KRT16: variants seen among roughly 807,000 people sequenced by gnomAD.
KRT16 encodes the protein keratin, type I cytoskeletal 16.
KRT16 carries 42 observed loss-of-function variants against 44.8 expected under a neutral mutation model. That is an observed-to-expected ratio of 0.94 (90% CI 0.73 to 1.21). KRT16 has a LOEUF of 1.21. Ranked by LOEUF, KRT16 falls within the 50% of genes most tolerant of loss-of-function variation. KRT16 has a pLI of 0.00. For synonymous variants in KRT16, 226 were observed against 260.4 expected, an observed-to-expected ratio of 0.87 and a Z score of 1.27; for missense variants, 561 against 626.9, an observed-to-expected ratio of 0.89 and a Z score of 1.12.
chr17:41,611,026 C>G (rs1233653794), intron 4 of KRT16, 43 bp downstream of exon 4: 3 of 1,613,906 alleles, frequency 1.9e-6, no homozygotes, highest in Non-Finnish European at 1.7e-6. Context: ...CCAAAGCCCC[C>G]AGCTGGGAAG....
chr17:41,609,986 G>A lies in KRT16; in HGVS notation c.1371C>T (p.Pro457=). The change falls in exon 8 of 8, where the codon CCC becomes CCT. Residue 457 remains proline (P), a synonymous_variant. Transcript: ENST00000301653. ...TGGATGAGCTCTGCTCCTTGAGGAT[G>A]GGCCGGGTCTGACGGCTCGAAGAGG... ...SSSSSSRQTR[P]ILKEQSSSSF... The A allele has an allele frequency of 6.2e-7, 1 of 1,611,966 alleles. No homozygotes were observed. The highest frequency in any genetic ancestry group is 1.1e-5 in the South Asian group (1 of 90,984).
At position 41,610,213 on chromosome 17, in the gene KRT16, C is replaced by G. The variant is rs766782137; in HGVS notation, c.1304G>C (p.Gly435Ala). The G allele has an allele frequency of 2.0e-5, 33 of 1,613,812 alleles. No individual in the cohort carries two copies. Among genetic ancestry groups the G allele is most frequent in the Admixed American group, 3.3e-5 (2 of 59,998 alleles). The change falls in exon 7 of 8, where the codon GGC (glycine) becomes GCC (alanine). Residue 435 changes from glycine to alanine, a missense_variant. By Grantham distance (60) the Gly-to-Ala change is moderately conservative. Coordinates refer to ENST00000301653, the MANE Select transcript of KRT16 (RefSeq NM_005557.4). ...ACCCTCGCGGGAAGAATAGGATTGG[C>G]CAGATGCTTGCTGGGAGGAAAGGCT... ...DAHLSSQQAS[G>A]QSYSSREVFT... is the part of the protein sequence containing the mutation.
rs758059131 is a variant in KRT16, at chr17:41,611,204, G to A, written c.798C>T (p.Thr266=). The A allele has an allele frequency of 3.6e-5, 58 of 1,613,816 alleles. No homozygotes were observed. Among genetic ancestry groups the A allele is most frequent in the Middle Eastern group, 1.6e-4 (1 of 6,078 alleles). ...CCATCTCCACGTTCACATCTCCGCC[G>A]GTCTGACCTCTCAGAGCAAGCATCT... ...EEEMLALRGQ[T]GGDVNVEMDA... Residue 266 remains threonine (T), a synonymous_variant, in exon 4 of 8, where the codon ACC becomes ACT. Transcript: ENST00000301653.
At position 41,609,855 on chromosome 17, in the gene KRT16, G is replaced by C; in HGVS notation, c.*80C>G. On this transcript the variant is annotated 3_prime_UTR_variant, in exon 8 of 8. Transcript: ENST00000301653. ...GGGGAGATAGCTGGGAACTGCGCCA[G>C]GAGAGCAGGGTCCTGACCCGGGCCT... The C allele has an allele frequency of 8.5e-7, 1 of 1,178,650 alleles. No individual in the cohort carries two copies. Among genetic ancestry groups the C allele is most frequent in the Non-Finnish European group, 1.3e-6 (1 of 795,330 alleles). The allele number at this position is 1,178,650 out of a possible 1,614,324, so 73.0% of individuals were successfully genotyped here. A position where few individuals can be genotyped will look rare whatever the true frequency, so the allele number is the denominator to read the frequency against.
At position 41,612,614 on chromosome 17, in the gene KRT16, C is replaced by T. The variant is rs1232655833; in HGVS notation, c.75G>A (p.Gly25=). The T allele has an allele frequency of 1.9e-6, 3 of 1,596,148 alleles. No individual in the cohort carries two copies. Among genetic ancestry groups the T allele is most frequent in the Non-Finnish European group, 1.7e-6 (2 of 1,172,348 alleles). Residue 25 remains glycine (G), a synonymous_variant, in exon 1 of 8, where the codon GGG becomes GGA. Transcript: ENST00000301653. ...CGGAGGAGATGCGGCTGGAGCCGCC[C>T]CCGATGCCGCCTCCGATGCCGCAGG... ...KGSCGIGGGI[G]GGSSRISSVL... is the part of the protein sequence containing the mutation.
rs1386727267 is a variant in KRT16, at chr17:41,612,273, T to C, written c.416A>G (p.Glu139Gly). 1 of 1,613,820 alleles carries C rather than the reference T, an allele frequency of 6.2e-7. No individual in the cohort carries two copies. The highest frequency in any genetic ancestry group is 1.3e-5 in the African/African-American group (1 of 74,864). The change falls in exon 1 of 8, where the codon GAG becomes GGG. Residue 139 changes from glutamate to glycine, a missense_variant. Transcript: ENST00000301653. ...CACTTCCAGGTCGGCGTTGGCCTCC[T>C]CCAGAGCACGCACCTTGTCCAGGTA... The part of the protein sequence containing the change: ...ASYLDKVRAL[E>G]EANADLEVKI...
chr17:41,611,709 T>A lies in KRT16; in HGVS notation c.544A>T (p.Thr182Ser). 6.2e-7 allele frequency: 1 copy of A among 1,610,474 alleles called. No individual in the cohort carries two copies. Among genetic ancestry groups the A allele is most frequent in the Non-Finnish European group, 8.5e-7 (1 of 1,179,270 alleles). The stretch of plus-strand genomic sequence containing the variant: ...AAAATGGGCTGCGCATTCTCAATGG[T>A]GGCCGCAATGATCTGGAGTGGGGAT... Reference protein sequence around the residue: ...EDLRNKIIAATIENAQPILQI... With the variant: ...EDLRNKIIAASIENAQPILQI... The change falls in exon 2 of 8, where the codon ACC becomes TCC. Residue 182 changes from threonine to serine, a missense_variant. By Grantham distance (58) the Thr-to-Ser change is moderately conservative. Transcript: ENST00000301653.
rs553943127 is a variant in KRT16 at position 41,611,459 on chromosome 17, G to A, written c.657C>T (p.Asp219=). The part of the protein sequence containing the change: ...ELALRQTVEA[D]VNGLRRVLDE... ...CCAACACCCGGCGCAGGCCATTGAC[G>A]TCGGCCTCCACAGTCTGCCGCAGGG... Residue 219 remains aspartate (D), a synonymous_variant, in exon 3 of 8, where the codon GAC becomes GAT. Transcript: ENST00000301653. 2.8e-5 allele frequency: 45 copies of A among 1,614,102 alleles called. No homozygotes were observed. Among genetic ancestry groups the A allele is most frequent in the East Asian group, 1.3e-4 (6 of 44,870 alleles).
chr17:41,612,148 A>G lies in KRT16; in HGVS notation c.531+10T>C. 1 of 1,612,002 alleles carries G rather than the reference A, an allele frequency of 6.2e-7. No individual in the cohort carries two copies. Among genetic ancestry groups the G allele is most frequent in the Non-Finnish European group, 8.5e-7 (1 of 1,179,840 alleles). Reference sequence around the variant, plus strand: ...CCTCTCTCAGTGCTCCATACACCAAAGTCACCCACCTTGTTCCTCAGGTCC... The same window carrying G: ...CCTCTCTCAGTGCTCCATACACCAAGGTCACCCACCTTGTTCCTCAGGTCC... On this transcript the variant is annotated intron_variant, in intron 1 of 7. Transcript: ENST00000301653.
In KRT16 at chr17:41,612,580, C is replaced by G. The variant is rs1324353859; in HGVS notation, c.109G>C (p.Gly37Arg). 42 of 1,594,164 alleles carry G rather than the reference C, an allele frequency of 2.6e-5. No homozygotes were observed. The highest frequency in any genetic ancestry group is 3.3e-5 in the Non-Finnish European group (39 of 1,170,930). ...GTGCTGGGGGCACGGCAGGACCCTC[C>G]GGCCAGGACGGAGGAGATGCGGCTG... ...GSSRISSVLA[G>R]GSCRAPSTYG... The change falls in exon 1 of 8, where the codon GGA becomes CGA. Residue 37 changes from glycine to arginine, a missense_variant. Coordinates refer to ENST00000301653, the MANE Select transcript of KRT16 (RefSeq NM_005557.4).
rs1423486203 is a variant in KRT16 at position 41,611,199 on chromosome 17, C to T, written c.803G>A (p.Gly268Glu). The change falls in exon 4 of 8, where the codon GGA (glycine) becomes GAA (glutamate). Residue 268 changes from glycine to glutamate, a missense_variant. Physicochemically the swap from Gly to Glu is moderately conservative, Grantham distance 98 (BLOSUM62 -2). Transcript: ENST00000301653. ...EMLALRGQTGGDVNVEMDAAP... is the reference protein window; with the variant it reads ...EMLALRGQTGEDVNVEMDAAP... ...AGCATCCATCTCCACGTTCACATCT[C>T]CGCCGGTCTGACCTCTCAGAGCAAG... 6.2e-7 allele frequency: 1 copy of T among 1,613,880 alleles called. No individual in the cohort carries two copies. Among genetic ancestry groups the T allele is most frequent in the Non-Finnish European group, 8.5e-7 (1 of 1,179,878 alleles).
rs754126224 is a variant in KRT16 at position 41,611,336 on chromosome 17, C to T, written c.771+9G>A. The stretch of plus-strand genomic sequence containing the variant: ...AGCCTCCCACCCCGGAAGCCAGCAG[C>T]GACCGTACCTCCTCGTGGTTCTTCC... On this transcript the variant is annotated intron_variant, in intron 3 of 7. Transcript: ENST00000301653. 10 of 1,614,104 alleles carry T rather than the reference C, an allele frequency of 6.2e-6. No homozygotes were observed. The East Asian group carries it at 1.1e-4, about 18-fold the overall frequency.
rs139974035 is a variant in KRT16, at chr17:41,612,274, C to A, written c.415G>T (p.Glu139Ter). 1.2e-6 allele frequency: 2 copies of A among 1,614,040 alleles called. No homozygotes were observed. Among genetic ancestry groups the A allele is most frequent in the African/African-American group, 1.3e-5 (1 of 75,018 alleles). ...ASYLDKVRAL[E>*]EANADLEVKI... ...ACTTCCAGGTCGGCGTTGGCCTCCT[C>A]CAGAGCACGCACCTTGTCCAGGTAG... The change falls in exon 1 of 8, where the codon GAG becomes TAG. Residue 139 changes from glutamate to a stop codon, truncating the protein, a stop_gained. Coordinates refer to ENST00000301653, the MANE Select transcript of KRT16 (RefSeq NM_005557.4). LOFTEE classifies it high-confidence loss of function.
intron 1 of KRT16, 93 bp downstream of exon 1, chr17:41,612,065 C>T: frequency 6.7e-7 from 1 of 1,496,658 alleles, no homozygotes; most frequent in Middle Eastern, 2.4e-4. Flanking sequence ...GCCCAGTCTC[C>T]CTGTTTGTAA....
Position 41,610,441 on chromosome 17 carries a change from G to A in KRT16, c.1170C>T (p.Arg390=), listed in dbSNP as rs1908148237. Residue 390 remains arginine (R), a synonymous_variant, in exon 6 of 8, where the codon CGC becomes CGT. Coordinates refer to ENST00000301653, the MANE Select transcript of KRT16 (RefSeq NM_005557.4). ...GSVEEQLAQL[R]CEMEQQSQEY... Reference sequence around the variant, plus strand: ...CCTGGCTCTGCTGCTCCATCTCACAGCGTAGCTGGGCCAGCTGCTCCTCCA... The same window carrying A: ...CCTGGCTCTGCTGCTCCATCTCACAACGTAGCTGGGCCAGCTGCTCCTCCA... The A allele has an allele frequency of 6.2e-7, 1 of 1,612,080 alleles. No individual in the cohort carries two copies.
At position 41,610,189 on chromosome 17, in the gene KRT16, C is replaced by G. The variant is rs1254179719; in HGVS notation, c.1327+1G>C. On this transcript the variant is annotated splice_donor_variant, in intron 7 of 7. Coordinates refer to ENST00000301653, the MANE Select transcript of KRT16 (RefSeq NM_005557.4). LOFTEE classifies it high-confidence loss of function. ...GTGCCGGGGAGCCTCAGAAGCCTTACCCTCGCGGGAAGAATAGGATTGGCC... is the reference window on the plus strand; with the variant it reads ...GTGCCGGGGAGCCTCAGAAGCCTTAGCCTCGCGGGAAGAATAGGATTGGCC... 3 of 1,613,938 alleles carry G rather than the reference C, an allele frequency of 1.9e-6. No homozygotes were observed. The highest frequency in any genetic ancestry group is 2.5e-6 in the Non-Finnish European group (3 of 1,179,844).
chr17:41,611,981 T>A, intron 1 of KRT16, 177 bp downstream of exon 1: 1 of 873,696 alleles, frequency 1.1e-6, no homozygotes, highest in East Asian at 2.5e-5. Flanking sequence ...ACAGCCCCAG[T>A]CCGGGCACAG....
intron 7 of KRT16, 39 bp downstream of exon 7, chr17:41,610,150 GC>G (rs1173271859): frequency 6.2e-7 from 1 of 1,611,714 alleles, no homozygotes; most frequent in Non-Finnish European, 8.5e-7. Flanking sequence ...ATGGAAACAG[GC>G]AGAGGGGCTG....
At chr17:41,610,586 G>A (rs1908156460) in intron 5 of KRT16, 35 bp from the exon 6 acceptor site, 1 of 1,608,982 alleles carries the variant, frequency 6.2e-7, no homozygotes, top group Admixed American at 1.7e-5. Context: ...GTCCATGGAG[G>A]TGGTCACTCC....
Sources: gnomAD v4.1 joint callset for allele counts on GRCh38, gnomAD v4.1.1 for gene constraint, MANE v1.5 for transcripts, NCBI Gene and HGNC (gene_info 2026-07-23, HGNC 2026-07-21) for gene names.